ST7: variants seen among roughly 807,000 people sequenced by gnomAD.
ST7 encodes the protein suppression of tumorigenicity 7.
ST7 carries 28 observed loss-of-function variants against 78.7 expected under a neutral mutation model. The ratio of observed to expected loss-of-function variants is 0.36; its 90% CI spans 0.26 to 0.49. The LOEUF is 0.49. ST7 is among the 20% of genes least tolerant of loss of function. ST7 has a pLI of 0.99. For synonymous variants in ST7, 247 were observed against 249.6 expected, an observed-to-expected ratio of 0.99 and a Z score of 0.10; for missense variants, 418 against 696.0, an observed-to-expected ratio of 0.60 and a Z score of 4.49.
rs894784747 is a variant in ST7, at chr7:117,074,726, C to T, written c.152-25036C>T. ...GTTCTGTCAGGTAAAGTTAAGGAAA[C>T]CAGCACTCCACAACATAAACAATGG... On this transcript the variant is annotated intron_variant, in intron 1 of 15. Coordinates refer to ENST00000323984, the MANE Select transcript of ST7 (RefSeq NM_001369598.1). 3.3e-5 allele frequency: 5 copies of T among 152,268 alleles called. No homozygotes were observed. In the Middle Eastern group the frequency reaches 0.01, roughly 311 times the overall value. The allele number at this position is 152,268 out of a possible 1,614,324, so 9.4% of individuals were successfully genotyped here. A position where few individuals can be genotyped will look rare whatever the true frequency, so the allele number is the denominator to read the frequency against.
chr7:117,209,774 T>A lies in ST7; in HGVS notation c.1255-13T>A. On this transcript the variant is annotated splice_polypyrimidine_tract_variant and intron_variant, in intron 12 of 15. Transcript: ENST00000323984. The stretch of plus-strand genomic sequence containing the variant: ...AGGTATTAACACAAGTGTGTCCTGC[T>A]TTTTTATTTCAGTACCTACTAGAAA... The A allele has an allele frequency of 6.2e-7, 1 of 1,611,204 alleles. No homozygotes were observed. Among genetic ancestry groups the A allele is most frequent in the African/African-American group, 1.3e-5 (1 of 74,954 alleles).
intron 1 of ST7, among the ~76,000 whole-genome samples, chr7:116,990,235 C>T (rs868094311): frequency 2.6e-5 from 4 of 152,138 alleles, no homozygotes; most frequent in Non-Finnish European, 2.9e-5. Flanking sequence ...CACGCCCGGC[C>T]GGTGATTAAC....
At chr7:117,098,975 G>A (rs1459991853) in intron 1 of ST7, among the ~76,000 whole-genome samples, 1 of 145,006 alleles carries the variant, frequency 6.9e-6, no homozygotes, top group Admixed American at 7.2e-5. Flanking sequence ...TGGTCAAGAA[G>A]GTGCCTGGGC....
chr7:117,167,597 C>A (rs1018998541), intron 9 of ST7, among the ~76,000 whole-genome samples: 1 of 151,748 alleles, frequency 6.6e-6, no homozygotes, highest in Non-Finnish European at 1.5e-5. Context: ...GGAAGTCATC[C>A]CCATGGAGAT....
chr7:117,097,842 ATGTATGACATATCAC>A, intron 1 of ST7, among the ~76,000 whole-genome samples: 7 of 123,148 alleles, frequency 5.7e-5, no homozygotes, highest in African/African-American at 2.1e-4. Context: ...ATATATATAT[ATGTATGACATATCAC>A]TATATATATA....
intron 12 of ST7, among the ~76,000 whole-genome samples, chr7:117,194,876 C>T (rs540083644): frequency 1.3e-4 from 20 of 152,276 alleles, no homozygotes; most frequent in South Asian, 2.1e-4. Context: ...GGTTAACCAG[C>T]GCTTATGTGC....
chr7:117,008,813 G>A (rs895061947), intron 1 of ST7, among the ~76,000 whole-genome samples: 3 of 152,250 alleles, frequency 2.0e-5, no homozygotes, highest in Non-Finnish European at 1.5e-5. Flanking sequence ...AGTAAATATT[G>A]TTGAACAGGG....
At chr7:117,193,029 C>T (rs944796326) in intron 12 of ST7, among the ~76,000 whole-genome samples, 2 of 152,090 alleles carry the variant, frequency 1.3e-5, no homozygotes, top group South Asian at 4.2e-4. Flanking sequence ...AGATCCTCTT[C>T]GTCTATCAGA....
intron 9 of ST7, among the ~76,000 whole-genome samples, chr7:117,167,660 A>C (rs1807676428): frequency 6.6e-6 from 1 of 152,106 alleles, no homozygotes; most frequent in East Asian, 1.9e-4. Flanking sequence ...AGGGTGTTTA[A>C]GATAAGAGGA....
At chr7:117,121,416 TC>T (rs935179519) in intron 3 of ST7, among the ~76,000 whole-genome samples, 1 of 152,200 alleles carries the variant, frequency 6.6e-6, no homozygotes, top group African/African-American at 2.4e-5. Context: ...CCAGTACTAC[TC>T]ATAGCTGGCT....
chr7:117,209,974 C>T, intron 13 of ST7, 37 bp downstream of exon 13: 2 of 1,598,980 alleles, frequency 1.3e-6, no homozygotes, highest in Non-Finnish European at 1.7e-6. Flanking sequence ...TTTTTAAGAG[C>T]ATGAAAAGGT....
chr7:117,097,909 T>TATATA (rs1554436004), intron 1 of ST7, among the ~76,000 whole-genome samples: 14 of 15,358 alleles, frequency 9.1e-4, no homozygotes, highest in African/African-American at 2.1e-3. Flanking sequence ...TATATATATA[T>TATATA]TTTTTTTTTT....
rs370826324 is a variant in ST7 at position 117,096,709 on chromosome 7, A to G, written c.152-3053A>G. Among the ~76,000 whole-genome samples, 18 of 152,364 alleles carry G rather than the reference A, an allele frequency of 1.2e-4. No homozygotes were observed. In the South Asian group the frequency reaches 2.9e-3, roughly 25 times the overall value. ...ATGCTTTGTTATAATCCTTAAATACATGAATACATAGGTTGAAATAGCAAG... is the reference window on the plus strand; with the variant it reads ...ATGCTTTGTTATAATCCTTAAATACGTGAATACATAGGTTGAAATAGCAAG... On this transcript the variant is annotated intron_variant, in intron 1 of 15. Transcript: ENST00000323984.
At chr7:117,199,823 T>A (rs1287935711) in intron 12 of ST7, among the ~76,000 whole-genome samples, 1 of 152,174 alleles carries the variant, frequency 6.6e-6, no homozygotes. Flanking sequence ...CAGCTCACAG[T>A]CAGAGTTGGG....
chr7:117,009,454 T>C (rs1795298799), intron 1 of ST7, among the ~76,000 whole-genome samples: 1 of 152,174 alleles, frequency 6.6e-6, no homozygotes, highest in African/African-American at 2.4e-5. Context: ...GGTACCTCCC[T>C]GTTTGTTGTA....
At chr7:117,213,710 G>A (rs552290384) in intron 13 of ST7, among the ~76,000 whole-genome samples, 9 of 151,968 alleles carry the variant, frequency 5.9e-5, no homozygotes, top group African/African-American at 2.2e-4. Context: ...CAAAATGTTT[G>A]ATTCATCACT....
intron 1 of ST7, among the ~76,000 whole-genome samples, chr7:116,973,380 C>T (rs1350614833): frequency 6.6e-6 from 1 of 152,190 alleles, no homozygotes; most frequent in Non-Finnish European, 1.5e-5. Context: ...ATCTCAGCCT[C>T]CCGAGTAGCT....
chr7:117,150,116 C>G (rs573013710), intron 9 of ST7, among the ~76,000 whole-genome samples: 1 of 152,310 alleles, frequency 6.6e-6, no homozygotes, highest in African/African-American at 2.4e-5. Flanking sequence ...CAGTCCCTCA[C>G]TCTGCCTGAT....
At chr7:117,100,958 CAG>C (rs1460048878) in intron 2 of ST7, among the ~76,000 whole-genome samples, 1 of 152,014 alleles carries the variant, frequency 6.6e-6, no homozygotes, top group Non-Finnish European at 1.5e-5. Context: ...AGAAGAAAAA[CAG>C]AAAAGCTTTA....
Sources: allele counts gnomAD v4.1 joint callset (sites outside exome capture counted in the v4.1 genomes callset), GRCh38; gene constraint gnomAD v4.1.1; transcripts MANE v1.5; gene names NCBI Gene and HGNC (gene_info 2026-07-23, HGNC 2026-07-21).